EPHA5: variants seen among roughly 807,000 people sequenced by gnomAD.
EPHA5 encodes ephrin type-A receptor 5.
Under a neutral mutation model 105.0 loss-of-function variants are expected in EPHA5, and 60 were observed. That is an observed-to-expected ratio of 0.57 (90% CI 0.46 to 0.71). The LOEUF (loss-of-function observed/expected upper bound fraction) is 0.71, where lower values mean the gene tolerates loss of function less well. EPHA5 is among the 30% of genes least tolerant of loss of function. The pLI is 0.00. For missense variants in EPHA5, 1,218 were observed against 1,274.7 expected, an observed-to-expected ratio of 0.96 and a Z score of 0.68; for synonymous variants, 513 against 449.1, an observed-to-expected ratio of 1.14 and a Z score of -1.80.
chr4:65,499,862 G>A (rs1371551183), intron 3 of EPHA5, among the ~76,000 whole-genome samples: 6 of 150,024 alleles, frequency 4.0e-5, no homozygotes, highest in Non-Finnish European at 7.4e-5. Context: ...TGTAGTCCAC[G>A]ATAAGAGATT....
chr4:65,494,858 A>T (rs1731759691), intron 4 of EPHA5, among the ~76,000 whole-genome samples: 1 of 152,098 alleles, frequency 6.6e-6, no homozygotes, highest in Non-Finnish European at 1.5e-5. Context: ...TTCTTTTATA[A>T]ATGACTTCTT....
intron 3 of EPHA5, among the ~76,000 whole-genome samples, chr4:65,559,760 T>C (rs1738822460): frequency 6.6e-6 from 1 of 152,126 alleles, no homozygotes; most frequent in Non-Finnish European, 1.5e-5. Context: ...CAGGGACCCT[T>C]AGTCTGAATT....
chr4:65,478,774 G>T (rs921181383), intron 5 of EPHA5, among the ~76,000 whole-genome samples: 2 of 151,942 alleles, frequency 1.3e-5, no homozygotes, highest in Admixed American at 6.6e-5. Flanking sequence ...ACCCGGCTTT[G>T]ACCCTGTTAA....
chr4:65,547,964 C>A (rs1401904998), intron 3 of EPHA5, among the ~76,000 whole-genome samples: 1 of 151,760 alleles, frequency 6.6e-6, no homozygotes. Context: ...GGTCCTGAAT[C>A]AAAAGAAAAC....
intron 3 of EPHA5, among the ~76,000 whole-genome samples, chr4:65,555,188 T>A (rs1346947896): frequency 1.3e-5 from 2 of 151,968 alleles, no homozygotes; most frequent in Non-Finnish European, 2.9e-5. Context: ...CTCCCATGTG[T>A]GTCCTTAGTA....
intron 3 of EPHA5, among the ~76,000 whole-genome samples, chr4:65,567,204 T>C (rs1739636139): frequency 6.6e-6 from 1 of 151,704 alleles, no homozygotes; most frequent in Non-Finnish European, 1.5e-5. Context: ...TCAAATTATT[T>C]TTCTATACAA....
At chr4:65,415,894 C>G (rs967303593) in intron 6 of EPHA5, among the ~76,000 whole-genome samples, 17 of 152,078 alleles carry the variant, frequency 1.1e-4, no homozygotes, top group Admixed American at 1.1e-3. Context: ...CAACTGTAAA[C>G]AGCTTCTATA....
intron 3 of EPHA5, among the ~76,000 whole-genome samples, chr4:65,563,309 A>G (rs1739209232): frequency 6.6e-6 from 1 of 152,094 alleles, no homozygotes; most frequent in Admixed American, 6.6e-5. Context: ...GATAATATTT[A>G]CATTTTAAGA....
intron 2 of EPHA5, among the ~76,000 whole-genome samples, chr4:65,635,222 T>C (rs576121303): frequency 1.3e-5 from 2 of 152,222 alleles, no homozygotes; most frequent in South Asian, 4.1e-4. Flanking sequence ...TTTTGAAGTA[T>C]CTACAATGTA....
At chr4:65,636,597 A>G (rs972512906) in intron 2 of EPHA5, among the ~76,000 whole-genome samples, 1 of 151,884 alleles carries the variant, frequency 6.6e-6, no homozygotes, top group Non-Finnish European at 1.5e-5. Context: ...GTTGGTGTAT[A>G]TTTATATACT....
chr4:65,615,702 C>T (rs1745169975), intron 2 of EPHA5, among the ~76,000 whole-genome samples: 1 of 151,820 alleles, frequency 6.6e-6, no homozygotes, highest in African/African-American at 2.4e-5. Context: ...CATTAGCCAT[C>T]AGGGAAACTC....
intron 14 of EPHA5, among the ~76,000 whole-genome samples, chr4:65,344,108 A>C (rs1400301004): frequency 1.3e-5 from 2 of 152,198 alleles, no homozygotes; most frequent in African/African-American, 2.4e-5. Context: ...TTATCTATGC[A>C]ACTTTGTAGT....
At chr4:65,561,061 G>A (rs909674725) in intron 3 of EPHA5, among the ~76,000 whole-genome samples, 1 of 151,512 alleles carries the variant, frequency 6.6e-6, no homozygotes, top group African/African-American at 2.4e-5. Context: ...GGCATTTATC[G>A]GTACCAATTA....
intron 5 of EPHA5, among the ~76,000 whole-genome samples, chr4:65,454,911 ACTCTCT>A (rs915014621): frequency 6.6e-6 from 1 of 151,886 alleles, no homozygotes; most frequent in Non-Finnish European, 1.5e-5. Context: ...CTCACCTCTG[ACTCTCT>A]CTCTTTCTCT....
At chr4:65,542,742 A>G (rs1182269779) in intron 3 of EPHA5, among the ~76,000 whole-genome samples, 1 of 142,580 alleles carries the variant, frequency 7.0e-6, no homozygotes. Flanking sequence ...TCATCTTGAT[A>G]CCAAAACCTG....
chr4:65,612,733 C>T (rs751066605), intron 2 of EPHA5, among the ~76,000 whole-genome samples: 89 of 152,016 alleles, frequency 5.9e-4, no homozygotes, highest in Non-Finnish European at 1.1e-3. Flanking sequence ...TGTGTTGTTT[C>T]GGGGTTGTTA....
chr4:65,409,447 T>G (rs1722713597), intron 7 of EPHA5, among the ~76,000 whole-genome samples: 1 of 152,106 alleles, frequency 6.6e-6, no homozygotes, highest in Admixed American at 6.5e-5. Flanking sequence ...TCATTATACA[T>G]TTGCATCATG....
intron 8 of EPHA5, among the ~76,000 whole-genome samples, chr4:65,397,822 T>G (rs1434668599): frequency 6.6e-6 from 1 of 152,032 alleles, no homozygotes; most frequent in African/African-American, 2.4e-5. Flanking sequence ...CCCAGAAAAA[T>G]GCCCCCTATC....
intron 8 of EPHA5, among the ~76,000 whole-genome samples, chr4:65,372,804 A>G (rs1718618239): frequency 6.6e-6 from 1 of 151,860 alleles, no homozygotes; most frequent in Non-Finnish European, 1.5e-5. Context: ...ATATTCTATA[A>G]AACAAAGAAT....
Sources: gnomAD v4.1 joint callset for allele counts (sites outside exome capture counted in the v4.1 genomes callset) on GRCh38, gnomAD v4.1.1 for gene constraint, MANE v1.5 for transcripts, NCBI Gene and HGNC (gene_info 2026-07-23, HGNC 2026-07-21) for gene names.